The following NPAS3 variants were observed in gnomAD, a reference collection of about 807,000 sequenced individuals.
NPAS3 encodes the protein neuronal PAS domain-containing protein 3.
In NPAS3, 14 loss-of-function variants were observed where a neutral mutation model predicts 73.1. That is an observed-to-expected ratio of 0.19 (90% CI 0.13 to 0.30). NPAS3 has a LOEUF of 0.30. NPAS3 is among the 10% of genes least tolerant of loss of function. The pLI, the probability that NPAS3 is intolerant of heterozygous loss-of-function variation, is 1.00. For synonymous variants in NPAS3, 620 were observed against 541.5 expected, an observed-to-expected ratio of 1.14 and a Z score of -2.01; for missense variants, 1,096 against 1,250.0, an observed-to-expected ratio of 0.88 and a Z score of 1.86.
chr14:33,304,057 G>T (rs1210492116), intron 3 of NPAS3, among the ~76,000 whole-genome samples: 1 of 152,158 alleles, frequency 6.6e-6, no homozygotes, highest in Non-Finnish European at 1.5e-5. Context: ...ACAGGTGCCC[G>T]CAACCACGCC....
At chr14:33,390,007 T>TTTA (rs1166362776) in intron 4 of NPAS3, among the ~76,000 whole-genome samples, 7 of 151,366 alleles carry the variant, frequency 4.6e-5, no homozygotes, top group African/African-American at 1.7e-4. Context: ...TGGAAAGAAT[T>TTTA]TTATTCTTCA....
rs1390089455 is a variant in NPAS3, at chr14:33,676,401, C to G, written c.733+16C>G. 1.9e-6 allele frequency: 3 copies of G among 1,544,854 alleles called. No homozygotes were observed. In the African/African-American group the frequency reaches 4.2e-5, roughly 21 times the overall value. On this transcript the variant is annotated intron_variant, in intron 6 of 11. Coordinates refer to ENST00000356141, the Ensembl canonical transcript of NPAS3. ...CCCGAGCCAGGTGGGAATTGCAAAC[C>G]CAGTGTGTGGGTTGGTGGGCAGGAC... is the stretch of plus-strand genomic sequence containing the variant.
intron 1 of NPAS3, among the ~76,000 whole-genome samples, chr14:32,996,039 T>C (rs74377729): frequency 6.6e-6 from 1 of 152,178 alleles, no homozygotes. Flanking sequence ...GATAGCAATA[T>C]GTACAATTAA....
chr14:33,380,913 A>G (rs1467217534), intron 4 of NPAS3, among the ~76,000 whole-genome samples: 1 of 152,186 alleles, frequency 6.6e-6, no homozygotes. Context: ...CTTTTACTTC[A>G]TTTTAGGTTG....
intron 2 of NPAS3, among the ~76,000 whole-genome samples, chr14:33,085,537 A>G (rs1261428949): frequency 6.6e-6 from 1 of 152,188 alleles, no homozygotes; most frequent in Non-Finnish European, 1.5e-5. Flanking sequence ...AGAATGATTC[A>G]TTCACAGTGG....
At chr14:33,727,763 A>G (rs2140592184) in intron 6 of NPAS3, among the ~76,000 whole-genome samples, 1 of 152,246 alleles carries the variant, frequency 6.6e-6, no homozygotes, top group East Asian at 1.9e-4. Context: ...ACTCGATCCC[A>G]TATGCAATAT....
At chr14:33,763,053 C>T (rs1462858933) in intron 7 of NPAS3, among the ~76,000 whole-genome samples, 1 of 152,120 alleles carries the variant, frequency 6.6e-6, no homozygotes, top group African/African-American at 2.4e-5. Context: ...TTGTGTCTGC[C>T]ACTAACTGGC....
intron 3 of NPAS3, among the ~76,000 whole-genome samples, chr14:33,330,566 A>G (rs1444236731): frequency 6.6e-6 from 1 of 152,200 alleles, no homozygotes; most frequent in Non-Finnish European, 1.5e-5. Context: ...TTTGCAATAT[A>G]ATTATTTAGA....
chr14:33,041,687 C>G (rs558626217), intron 1 of NPAS3, among the ~76,000 whole-genome samples: 2 of 152,244 alleles, frequency 1.3e-5, no homozygotes, highest in East Asian at 3.9e-4. Flanking sequence ...GGGAAGAAGG[C>G]TTTAATTGGG....
intron 3 of NPAS3, among the ~76,000 whole-genome samples, chr14:33,233,350 C>T (rs1488452865): frequency 6.6e-6 from 1 of 152,080 alleles, no homozygotes; most frequent in Non-Finnish European, 1.5e-5. Context: ...GGGAAAAGCA[C>T]CTGACTGGAA....
intron 2 of NPAS3, among the ~76,000 whole-genome samples, chr14:33,169,554 C>T (rs556544264): frequency 6.6e-6 from 1 of 152,244 alleles, no homozygotes; most frequent in Non-Finnish European, 1.5e-5. Context: ...GGTGACAGAG[C>T]AAGACTCTGT....
intron 2 of NPAS3, among the ~76,000 whole-genome samples, chr14:33,071,424 G>C (rs1047635986): frequency 6.6e-6 from 1 of 151,972 alleles, no homozygotes; most frequent in Non-Finnish European, 1.5e-5. Context: ...ATAAGCCAAA[G>C]ATTTTAAGTA....
At chr14:33,557,778 G>C (rs938394965) in intron 4 of NPAS3, among the ~76,000 whole-genome samples, 1 of 152,168 alleles carries the variant, frequency 6.6e-6, no homozygotes, top group African/African-American at 2.4e-5. Context: ...GGCCATCCTG[G>C]CTAACACGGT....
At chr14:33,310,786 A>T (rs1006480486) in intron 3 of NPAS3, among the ~76,000 whole-genome samples, 4 of 117,364 alleles carry the variant, frequency 3.4e-5, no homozygotes, top group African/African-American at 1.3e-4. Flanking sequence ...AATGAAATGT[A>T]TGGTACACAC....
In NPAS3 at chr14:33,013,112, C is replaced by T. The variant is rs114923292; in HGVS notation, c.51-42793C>T. On this transcript the variant is annotated intron_variant, in intron 1 of 11. Coordinates refer to ENST00000356141, the Ensembl canonical transcript of NPAS3. ...TACTGATTAAATGAGTAAAATAAGT[C>T]AGAAAAAGTATTGTATTCTTCACTC... Among the ~76,000 whole-genome samples the T allele has an allele frequency of 5.4e-3, 822 of 152,168 alleles. 11 individuals are homozygous for T. The highest frequency in any genetic ancestry group is 0.018 in the African/African-American group (747 of 41,518).
At chr14:33,461,139 G>A (rs927014361) in intron 4 of NPAS3, among the ~76,000 whole-genome samples, 2 of 152,170 alleles carry the variant, frequency 1.3e-5, no homozygotes, top group African/African-American at 2.4e-5. Flanking sequence ...GGCCTGCGAG[G>A]CTTTATTTAA....
At chr14:33,283,864 G>T (rs530244354) in intron 3 of NPAS3, among the ~76,000 whole-genome samples, 6 of 152,272 alleles carry the variant, frequency 3.9e-5, no homozygotes, top group Admixed American at 3.9e-4. Context: ...TAAAGGAGTG[G>T]TTAGGCATCT....
chr14:33,491,731 C>T (rs1357740084), intron 4 of NPAS3, among the ~76,000 whole-genome samples: 1 of 152,132 alleles, frequency 6.6e-6, no homozygotes, highest in Non-Finnish European at 1.5e-5. Context: ...ATACTTTATT[C>T]TACTTAAGCC....
intron 2 of NPAS3, among the ~76,000 whole-genome samples, chr14:33,179,691 A>G (rs17554738): frequency 0.048 from 7,365 of 152,274 alleles, 224 homozygotes; most frequent in South Asian, 0.093. Context: ...CTACAACTAA[A>G]GAATACCATA....
Sources: allele counts gnomAD v4.1 joint callset (sites outside exome capture counted in the v4.1 genomes callset), GRCh38; gene constraint gnomAD v4.1.1; transcripts MANE v1.5; gene names NCBI Gene and HGNC (gene_info 2026-07-23, HGNC 2026-07-21).